Variants in ANKS1A observed in about 807,000 individuals in gnomAD.
ANKS1A encodes ankyrin repeat and sterile alpha motif domain containing 1A.
In ANKS1A, 55 loss-of-function variants were observed where a neutral mutation model predicts 120.3. The ratio of observed to expected loss-of-function variants is 0.46; its 90% CI spans 0.37 to 0.57. The LOEUF (loss-of-function observed/expected upper bound fraction) is 0.57. ANKS1A is among the 20% of genes least tolerant of loss of function. The pLI, the probability that ANKS1A is intolerant of heterozygous loss-of-function variation, is 0.00. For synonymous variants in ANKS1A, 590 were observed against 604.7 expected, an observed-to-expected ratio of 0.98 and a Z score of 0.36; for missense variants, 1,123 against 1,480.3, an observed-to-expected ratio of 0.76 and a Z score of 3.96.
In ANKS1A at chr6:34,949,992, C is replaced by T. The variant is rs114775534; in HGVS notation, c.198-17247C>T. 2.3e-3 allele frequency among the ~76,000 whole-genome samples: 343 copies of T among 152,250 alleles called. 1 individual carries two copies. Among genetic ancestry groups the T allele is most frequent in the Middle Eastern group, 3.4e-3 (1 of 294 alleles). ...GGATTCTTAAATCTCATAACCAGAA[C>T]GCTTTCTCTCTCTGGACTAGATCTG... On this transcript the variant is annotated intron_variant, in intron 1 of 23. Transcript: ENST00000360359.
chr6:35,084,029 C>G lies in ANKS1A; in HGVS notation c.2995-92C>G. On this transcript the variant is annotated intron_variant, in intron 20 of 23. Coordinates refer to ENST00000360359, the MANE Select transcript of ANKS1A (RefSeq NM_015245.3). The surrounding 1 kb of genome is among the most constrained non-coding windows in gnomAD (Gnocchi z 4.8). ...GTTTGCTTGATGCTCTAGGCTGGGA[C>G]AGAGAACAGTGACAATGGTAACAGG... 1 of 1,554,536 alleles carries G rather than the reference C, an allele frequency of 6.4e-7. No individual in the cohort carries two copies. The highest frequency in any genetic ancestry group is 2.3e-5 in the East Asian group (1 of 44,400).
intron 1 of ANKS1A, among the ~76,000 whole-genome samples, chr6:34,950,561 A>C (rs1166816919): frequency 6.6e-6 from 1 of 151,934 alleles, no homozygotes; most frequent in East Asian, 1.9e-4. Context: ...TTACAATAAG[A>C]GAGAGAGAGA....
intron 1 of ANKS1A, among the ~76,000 whole-genome samples, chr6:34,892,365 A>T (rs1216216057): frequency 6.6e-6 from 1 of 152,182 alleles, no homozygotes; most frequent in Non-Finnish European, 1.5e-5. Context: ...CTCTGCTCCC[A>T]ACCCTCTCTC....
At chr6:34,985,870 C>T (rs1158518465) in intron 8 of ANKS1A, among the ~76,000 whole-genome samples, 1 of 152,184 alleles carries the variant, frequency 6.6e-6, no homozygotes. Context: ...TGAATTTTTC[C>T]TTCTCAAGGT....
intron 1 of ANKS1A, among the ~76,000 whole-genome samples, chr6:34,958,073 T>C (rs1431414221): frequency 6.6e-6 from 1 of 152,186 alleles, no homozygotes; most frequent in Non-Finnish European, 1.5e-5. Flanking sequence ...TTATATAACA[T>C]AGGATTATGG....
intron 1 of ANKS1A, among the ~76,000 whole-genome samples, chr6:34,951,616 T>C (rs545795362): frequency 1.3e-5 from 2 of 152,354 alleles, no homozygotes; most frequent in South Asian, 4.1e-4. Flanking sequence ...ATAAATTTCA[T>C]TTGAGACATT....
At chr6:34,971,450 A>G (rs983162184) in intron 3 of ANKS1A, among the ~76,000 whole-genome samples, 4 of 152,174 alleles carry the variant, frequency 2.6e-5, no homozygotes, top group African/African-American at 9.7e-5. Flanking sequence ...GTTGTGTGCA[A>G]GTTTGAGAGG....
intron 1 of ANKS1A, among the ~76,000 whole-genome samples, chr6:34,943,605 A>G (rs893472698): frequency 2.0e-5 from 3 of 152,068 alleles, no homozygotes; most frequent in Non-Finnish European, 2.9e-5. Flanking sequence ...TCCCCGTTGA[A>G]CCCATGGCAG....
chr6:34,996,629 C>T (rs1053161170), intron 10 of ANKS1A, among the ~76,000 whole-genome samples: 12 of 152,200 alleles, frequency 7.9e-5, no homozygotes, highest in East Asian at 5.8e-4. Flanking sequence ...CGTGCTACCA[C>T]GCCCAGCTAA....
intron 11 of ANKS1A, among the ~76,000 whole-genome samples, chr6:35,035,837 T>C (rs1395268514): frequency 2.6e-5 from 4 of 152,200 alleles, no homozygotes; most frequent in Non-Finnish European, 5.9e-5. Flanking sequence ...TTGGCTTCAT[T>C]CAGAAACCAG....
rs1030993916 is a variant in ANKS1A at position 35,088,964 on chromosome 6, A to G, written c.*355A>G. 8.9e-6 allele frequency: 11 copies of G among 1,232,386 alleles called. No individual in the cohort carries two copies. In the African/African-American group the frequency reaches 1.5e-4, roughly 17 times the overall value. 76.3% of individuals were successfully genotyped at this position (1,232,386 alleles called of 1,614,324 possible). A position where few individuals can be genotyped will look rare whatever the true frequency, so the allele number is the denominator to read the frequency against. On this transcript the variant is annotated 3_prime_UTR_variant, in exon 24 of 24. Coordinates refer to ENST00000360359, the MANE Select transcript of ANKS1A (RefSeq NM_015245.3). ...GGTCATACTGCCAATCTTTAGACAAATGGCCATGGGGCAGAGGACAGGGGA... is the reference window on the plus strand; with the variant it reads ...GGTCATACTGCCAATCTTTAGACAAGTGGCCATGGGGCAGAGGACAGGGGA...
intron 1 of ANKS1A, among the ~76,000 whole-genome samples, chr6:34,890,933 A>G (rs1445837954): frequency 1.3e-5 from 2 of 152,256 alleles, no homozygotes; most frequent in Non-Finnish European, 2.9e-5. Flanking sequence ...GTACCAACCC[A>G]GGTCTTTACA....
chr6:34,954,108 G>A lies in ANKS1A; in HGVS notation c.198-13131G>A, dbSNP rs1770224679. On this transcript the variant is annotated intron_variant, in intron 1 of 23. Coordinates refer to ENST00000360359, the MANE Select transcript of ANKS1A (RefSeq NM_015245.3). ...CTAATTACAGCAGAGAACTCTTGTAGTGTTGTCCACTTTGTGGTGGTGTGT... is the reference window on the plus strand; with the variant it reads ...CTAATTACAGCAGAGAACTCTTGTAATGTTGTCCACTTTGTGGTGGTGTGT... 5.3e-5 allele frequency among the ~76,000 whole-genome samples: 8 copies of A among 152,172 alleles called. No individual in the cohort carries two copies. The South Asian group carries it at 1.7e-3, about 32-fold the overall frequency.
chr6:34,981,166 C>G (rs1159195655), intron 3 of ANKS1A, among the ~76,000 whole-genome samples: 1 of 152,126 alleles, frequency 6.6e-6, no homozygotes, highest in African/African-American at 2.4e-5. Context: ...TTAGTCTGCT[C>G]TGTTACTTTT....
chr6:35,003,541 A>C (rs1773277043), intron 10 of ANKS1A, among the ~76,000 whole-genome samples: 1 of 152,170 alleles, frequency 6.6e-6, no homozygotes, highest in Non-Finnish European at 1.5e-5. Flanking sequence ...CATGGATTCG[A>C]CCCTGAGGCC....
At position 34,889,724 on chromosome 6, in the gene ANKS1A, G is replaced by A. The variant is rs1045757720; in HGVS notation, c.197+125G>A. 8.7e-7 allele frequency: 1 copy of A among 1,152,600 alleles called. No homozygotes were observed. Among genetic ancestry groups the A allele is most frequent in the African/African-American group, 1.6e-5 (1 of 61,550 alleles). 71.4% of individuals were successfully genotyped at this position (1,152,600 alleles called of 1,614,324 possible). On this transcript the variant is annotated intron_variant, in intron 1 of 23. Coordinates refer to ENST00000360359, the MANE Select transcript of ANKS1A (RefSeq NM_015245.3). The surrounding 1 kb of genome is among the most constrained non-coding windows in gnomAD (Gnocchi z 5.5). ...GGTGGGCTTGTGGCGTGCCCGGGGCGAGGCAGGCGGCCCGCGGGCCAGGGT... is the reference window on the plus strand; with the variant it reads ...GGTGGGCTTGTGGCGTGCCCGGGGCAAGGCAGGCGGCCCGCGGGCCAGGGT...
chr6:34,937,310 A>AAT (rs200525125), intron 1 of ANKS1A, among the ~76,000 whole-genome samples: 257 of 150,392 alleles, frequency 1.7e-3, no homozygotes, highest in African/African-American at 5.4e-3. Context: ...ATCTTAAAAA[A>AAT]ATATATATAT....
intron 1 of ANKS1A, among the ~76,000 whole-genome samples, chr6:34,900,846 A>T (rs1160466721): frequency 2.1e-5 from 3 of 144,068 alleles, no homozygotes; most frequent in East Asian, 2.0e-4. Context: ...TAGGCTCATT[A>T]AAAAAAAAAA....
intron 10 of ANKS1A, chr6:35,005,782 G>T (rs1395587513): frequency 3.6e-5 from 16 of 448,698 alleles, no homozygotes; most frequent in Admixed American, 3.2e-4. Flanking sequence ...GCCGGGCATG[G>T]TGGCTCATGC....
Sources: gnomAD v4.1 joint callset for allele counts (sites outside exome capture counted in the v4.1 genomes callset) on GRCh38, gnomAD v4.1.1 for gene constraint, Gnocchi (gnomAD v3.1) non-coding constraint, MANE v1.5 for transcripts, NCBI Gene and HGNC (gene_info 2026-07-23, HGNC 2026-07-21) for gene names.